SAMD9: variants seen among roughly 807,000 people sequenced by gnomAD.
The protein encoded by SAMD9 is sterile alpha motif domain containing 9, also known as sterile alpha motif domain-containing protein 9.
In SAMD9, 3 loss-of-function variants were observed where a neutral mutation model predicts 1.5. The ratio of observed to expected loss-of-function variants is 2.05; its 90% CI spans 0.93 to 5.29. SAMD9 has a LOEUF of 5.29. Among genes scored for constraint, SAMD9 ranks in the 30% most tolerant of loss-of-function variants. The pLI is 0.02. For missense variants in SAMD9, 1,597 were observed against 1,820.8 expected (o/e 0.88, Z 2.24); for synonymous variants, 635 against 631.9 (o/e 1.00, Z -0.07).
Position 93,103,842 on chromosome 7 carries a change from C to T in SAMD9, c.2256G>A (p.Trp752Ter). The T allele has an allele frequency of 2.5e-6, 4 of 1,613,884 alleles. No individual in the cohort carries two copies. Among genetic ancestry groups the T allele is most frequent in the South Asian group, 2.2e-5 (2 of 91,076 alleles). The change falls in exon 3 of 3, where the codon TGG (tryptophan) becomes TGA (stop). Residue 752 changes from tryptophan to a stop codon, truncating the protein, a stop_gained. Coordinates refer to ENST00000379958, the MANE Select transcript of SAMD9 (RefSeq NM_017654.4). LOFTEE classifies it low-confidence loss of function (END_TRUNC). ...CACATCTGAATTTCTTCCTTAGTTC[C>T]CAGAGAATGTGCATAGCCAAGGTAG... The part of the protein sequence containing the change: ...GGTTLAMHIL[W>*]ELRKKFRCAV...
At position 93,105,841 on chromosome 7, in the gene SAMD9, G is replaced by T; in HGVS notation, c.257C>A (p.Ser86Tyr). The change falls in exon 3 of 3, where the codon TCT (serine) becomes TAT (tyrosine). Residue 86 changes from serine to tyrosine, a missense_variant. Ser to Tyr is a moderately radical substitution (Grantham distance 144, BLOSUM62 -2). Coordinates refer to ENST00000379958, the MANE Select transcript of SAMD9 (RefSeq NM_017654.4). Reference sequence around the variant, plus strand: ...ATTTTTACTGGGCTTTCCCATCTTAGATGTCTGAATCGAATCTTCAATGGC... The same window carrying T: ...ATTTTTACTGGGCTTTCCCATCTTATATGTCTGAATCGAATCTTCAATGGC... The part of the protein sequence containing the change: ...KTAIEDSIQT[S>Y]KMGKPSKNAP... 6.2e-7 allele frequency: 1 copy of T among 1,614,060 alleles called. No homozygotes were observed. Among genetic ancestry groups the T allele is most frequent in the Non-Finnish European group, 8.5e-7 (1 of 1,179,990 alleles).
chr7:93,104,814 T>C lies in SAMD9; in HGVS notation c.1284A>G (p.Leu428=), dbSNP rs2116420237. 6.2e-7 allele frequency: 1 copy of C among 1,613,600 alleles called. No homozygotes were observed. Among genetic ancestry groups the C allele is most frequent in the Non-Finnish European group, 8.5e-7 (1 of 1,179,748 alleles). ...ACCATTTAATTTCCTTCAGGAAATC[T>C]AAGTGTTTTGTTTGATCTGGGTGGC... The part of the protein sequence containing the change: ...NKCHPDQTKH[L]DFLKEIKWFA... Residue 428 remains leucine (L), a synonymous_variant, in exon 3 of 3, where the codon TTA becomes TTG. Transcript: ENST00000379958.
Position 93,105,773 on chromosome 7 carries a change from T to C in SAMD9, c.325A>G (p.Thr109Ala). Reference sequence around the variant, plus strand: ...TTACCCTTTTGTTTTTGCTTTGAAGTTTCTCTACGTTCCTTTTGAGACACA... The same window carrying C: ...TTACCCTTTTGTTTTTGCTTTGAAGCTTCTCTACGTTCCTTTTGAGACACA... The part of the protein sequence containing the change: ...QTVSQKERRE[T>A]SKQKQKGKEN... Residue 109 changes from threonine (T) to alanine (A), a missense_variant, in exon 3 of 3, where the codon ACT becomes GCT. By Grantham distance (58) the Thr-to-Ala change is moderately conservative (BLOSUM62 0). Around this residue, in one of 6 missense-constraint regions of SAMD9, gnomAD observed 498 missense variants for 457.4 expected, o/e 1.09. Transcript: ENST00000379958. The C allele has an allele frequency of 6.2e-7, 1 of 1,614,154 alleles. No individual in the cohort carries two copies. The highest frequency in any genetic ancestry group is 1.1e-5 in the South Asian group (1 of 91,084).
In SAMD9 at chr7:93,105,137, A is replaced by C; in HGVS notation, c.961T>G (p.Phe321Val). 1.2e-6 allele frequency: 2 copies of C among 1,613,684 alleles called. No individual in the cohort carries two copies. The highest frequency in any genetic ancestry group is 1.7e-6 in the Non-Finnish European group (2 of 1,179,838). ...PQFSECQYDYFQIKMQNYNNK... is the reference protein window; with the variant it reads ...PQFSECQYDYVQIKMQNYNNK... ...TTGTAATTTTGCATTTTAATCTGGA[A>C]ATAATCATATTGGCATTCAGAGAAC... The change falls in exon 3 of 3, where the codon TTC becomes GTC. Residue 321 changes from phenylalanine (F) to valine (V), a missense_variant. Physicochemically the swap from Phe to Val is conservative, Grantham distance 50 (BLOSUM62 -1). Coordinates refer to ENST00000379958, the MANE Select transcript of SAMD9 (RefSeq NM_017654.4).
rs775530037 is a variant in SAMD9 at position 93,101,490 on chromosome 7, G to A, written c.4608C>T (p.Asn1536=). 1.2e-6 allele frequency: 2 copies of A among 1,613,734 alleles called. No homozygotes were observed. The highest frequency in any genetic ancestry group is 1.7e-6 in the Non-Finnish European group (2 of 1,179,736). The change falls in exon 3 of 3, where the codon AAC becomes AAT. Residue 1536 remains asparagine, a synonymous_variant. Coordinates refer to ENST00000379958, the MANE Select transcript of SAMD9 (RefSeq NM_017654.4). ...TTCCATATTCTATATATAAACAATT[G>A]TTTTCAGCTCGACCTTGTAAACGAA... The part of the protein sequence containing the change: ...LLLRLQGRAE[N]NCLYIEYGIN...
chr7:93,102,898 A>G lies in SAMD9; in HGVS notation c.3200T>C (p.Val1067Ala), dbSNP rs1791559677. ...ALHKDEGNEA[V>A]EAVLLESIHR... ...GATACTTTCAAGCAATACAGCTTCAACTGCTTCATTTCCTTCATCTTTATG... is the reference window on the plus strand; with the variant it reads ...GATACTTTCAAGCAATACAGCTTCAGCTGCTTCATTTCCTTCATCTTTATG... The change falls in exon 3 of 3, where the codon GTT (valine) becomes GCT (alanine). Residue 1067 changes from valine (V) to alanine (A), a missense_variant. Coordinates refer to ENST00000379958, the MANE Select transcript of SAMD9 (RefSeq NM_017654.4). 6 of 1,613,728 alleles carry G rather than the reference A, an allele frequency of 3.7e-6. No individual in the cohort carries two copies. Among genetic ancestry groups the G allele is most frequent in the Non-Finnish European group, 5.1e-6 (6 of 1,179,826 alleles).
At chr7:93,112,352 C>T (rs1235826709) in intron 2 of SAMD9, among the ~76,000 whole-genome samples, 2 of 152,192 alleles carry the variant, frequency 1.3e-5, no homozygotes, top group African/African-American at 4.8e-5. Context: ...CAATATCATA[C>T]TGAATGGGCA....
chr7:93,110,177 T>A (rs890473144), intron 2 of SAMD9, among the ~76,000 whole-genome samples: 4 of 152,224 alleles, frequency 2.6e-5, no homozygotes, highest in African/African-American at 9.6e-5. Context: ...AAAAGAATTT[T>A]CAACCCAGAA....
intron 2 of SAMD9, among the ~76,000 whole-genome samples, chr7:93,109,225 T>A (rs1007385877): frequency 6.6e-6 from 1 of 152,170 alleles, no homozygotes; most frequent in Non-Finnish European, 1.5e-5. Flanking sequence ...CCAACAGACC[T>A]GCAGCTGAGG....
intron 2 of SAMD9, among the ~76,000 whole-genome samples, chr7:93,106,983 C>T (rs1791657342): frequency 6.6e-6 from 1 of 152,110 alleles, no homozygotes; most frequent in South Asian, 2.1e-4. Context: ...TCCTTCTACC[C>T]TTCTTGTTCC....
intron 2 of SAMD9, among the ~76,000 whole-genome samples, chr7:93,109,635 A>G (rs892873051): frequency 6.6e-6 from 1 of 152,246 alleles, no homozygotes. Context: ...GCTGAAAACC[A>G]TGGCACAAGA....
At position 93,103,334 on chromosome 7, in the gene SAMD9, C is replaced by A. The variant is rs369626579; in HGVS notation, c.2764G>T (p.Ala922Ser). The A allele has an allele frequency of 1.8e-5, 29 of 1,613,448 alleles. No individual in the cohort carries two copies. The highest frequency in any genetic ancestry group is 2.3e-5 in the Non-Finnish European group (27 of 1,179,618). ...TKEAKLFSFLALLNSYVPDTT... is the reference protein window; with the variant it reads ...TKEAKLFSFLSLLNSYVPDTT... ...TCAGGCACATATGAATTAAGAAGAG[C>A]CAGAAAAGAAAAGAGCTTTGCTTCC... Residue 922 changes from alanine (A) to serine (S), a missense_variant, in exon 3 of 3, where the codon GCT becomes TCT. Around this residue, in one of 6 missense-constraint regions of SAMD9, gnomAD observed 682 missense variants for 810.0 expected, o/e 0.84. Transcript: ENST00000379958.
chr7:93,106,201 A>G (rs1791642482), intron 2 of SAMD9, 96 bp from the exon 3 acceptor site: 1 of 736,532 alleles, frequency 1.4e-6, no homozygotes, highest in Admixed American at 3.3e-5. Flanking sequence ...CAAAATTTAA[A>G]AAGCTCAAAA....
At chr7:93,111,119 G>C (rs974920628) in intron 2 of SAMD9, among the ~76,000 whole-genome samples, 1 of 152,088 alleles carries the variant, frequency 6.6e-6, no homozygotes, top group African/African-American at 2.4e-5. Context: ...TCAGACCACA[G>C]TGCAATCAAA....
chr7:93,109,064 G>A (rs773365776), intron 2 of SAMD9, among the ~76,000 whole-genome samples: 88 of 152,206 alleles, frequency 5.8e-4, no homozygotes, highest in Non-Finnish European at 6.3e-4. Context: ...GGGGCCGACC[G>A]ACACCTCATA....
intron 2 of SAMD9, among the ~76,000 whole-genome samples, chr7:93,109,118 A>G (rs1791696076): frequency 1.3e-5 from 2 of 152,180 alleles, no homozygotes. Flanking sequence ...AGGAAGGATC[A>G]CACAGCAAAA....
In SAMD9 at chr7:93,102,786, G is replaced by T; in HGVS notation, c.3312C>A (p.Asn1104Lys). ...CTATGATTTTTGCTTGTTTTGCCCAGTTTAGAGCATTGCCAAAGTCCTTCT... is the reference window on the plus strand; with the variant it reads ...CTATGATTTTTGCTTGTTTTGCCCATTTTAGAGCATTGCCAAAGTCCTTCT... ...IKKKDFGNAL[N>K]WAKQAKIIEP... The change falls in exon 3 of 3, where the codon AAC becomes AAA. Residue 1104 changes from asparagine (N) to lysine (K), a missense_variant. Asn to Lys is a moderately conservative substitution (Grantham distance 94, BLOSUM62 0). Around this residue, in one of 6 missense-constraint regions of SAMD9, gnomAD observed 682 missense variants for 810.0 expected, o/e 0.84. Coordinates refer to ENST00000379958, the MANE Select transcript of SAMD9 (RefSeq NM_017654.4). 6.2e-7 allele frequency: 1 copy of T among 1,613,816 alleles called. No homozygotes were observed. Among genetic ancestry groups the T allele is most frequent in the Non-Finnish European group, 8.5e-7 (1 of 1,179,768 alleles).
chr7:93,105,146 A>G lies in SAMD9; in HGVS notation c.952T>C (p.Tyr318His). 1 of 1,613,566 alleles carries G rather than the reference A, an allele frequency of 6.2e-7. No individual in the cohort carries two copies. Among genetic ancestry groups the G allele is most frequent in the Non-Finnish European group, 8.5e-7 (1 of 1,179,758 alleles). The change falls in exon 3 of 3, where the codon TAT (tyrosine) becomes CAT (histidine). Residue 318 changes from tyrosine to histidine, a missense_variant. Physicochemically the swap from Tyr to His is moderately conservative, Grantham distance 83 (BLOSUM62 2). Coordinates refer to ENST00000379958, the MANE Select transcript of SAMD9 (RefSeq NM_017654.4). ...TGCATTTTAATCTGGAAATAATCAT[A>G]TTGGCATTCAGAGAACTGTGGAATA... ...DIIPQFSECQ[Y>H]DYFQIKMQNY...
chr7:93,104,601 G>A lies in SAMD9; in HGVS notation c.1497C>T (p.Asp499=). 1 of 1,614,004 alleles carries A rather than the reference G, an allele frequency of 6.2e-7. No individual in the cohort carries two copies. Among genetic ancestry groups the A allele is most frequent in the Non-Finnish European group, 8.5e-7 (1 of 1,179,932 alleles). The stretch of plus-strand genomic sequence containing the variant: ...AGGGTTTATATTTTTCACTGTCAAG[G>A]TCTAACCTGCCATTGCAGAAAATCC... ...PSWIFCNGRL[D]LDSEKYKPFD... The change falls in exon 3 of 3, where the codon GAC becomes GAT. Residue 499 remains aspartate, a synonymous_variant. Coordinates refer to ENST00000379958, the MANE Select transcript of SAMD9 (RefSeq NM_017654.4).
Sources: allele counts gnomAD v4.1 joint callset (sites outside exome capture counted in the v4.1 genomes callset), GRCh38; gene constraint gnomAD v4.1.1; regional missense constraint gnomAD v4.1.1; transcripts MANE v1.5; gene names NCBI Gene and HGNC (gene_info 2026-07-23, HGNC 2026-07-21).